The following SHC4 variants were observed in gnomAD, a reference collection of about 807,000 sequenced individuals.
SHC4 encodes the protein SHC-transforming protein 4.
In SHC4, 41 loss-of-function variants were observed where a neutral mutation model predicts 69.4. That is an observed-to-expected ratio of 0.59 (90% CI 0.46 to 0.77). SHC4 has a LOEUF of 0.77. Among genes scored for constraint, SHC4 ranks in the 30% least tolerant of loss-of-function variants. SHC4 has a pLI of 0.00. For missense variants in SHC4, 777 were observed against 783.8 expected, an observed-to-expected ratio of 0.99 and a Z score of 0.10; for synonymous variants, 318 against 299.3, an observed-to-expected ratio of 1.06 and a Z score of -0.64.
chr15:48,956,271 T>C (rs28497590), intron 1 of SHC4, among the ~76,000 whole-genome samples: 5,491 of 152,194 alleles, frequency 0.036, 227 homozygotes, highest in African/African-American at 0.095. Context: ...CAGAAAGCCA[T>C]GTTTCTTTGC....
At chr15:48,878,752 T>C (rs1457827962) in intron 4 of SHC4, 1 of 1,598,862 alleles carries the variant, frequency 6.3e-7, no homozygotes, top group East Asian at 2.2e-5. Flanking sequence ...TAGATGCTGT[T>C]AAAAGAGGAG....
chr15:48,833,202 T>C (rs1455303265), intron 11 of SHC4, among the ~76,000 whole-genome samples: 2 of 152,180 alleles, frequency 1.3e-5, no homozygotes, highest in African/African-American at 4.8e-5. Context: ...CCAGCCCAAA[T>C]AGAGATTCTG....
chr15:48,923,131 G>T (rs1320488149), intron 2 of SHC4, among the ~76,000 whole-genome samples: 1 of 152,212 alleles, frequency 6.6e-6, no homozygotes, highest in African/African-American at 2.4e-5. Context: ...GTTTGGAAAG[G>T]CAGATTTGAA....
At chr15:48,828,968 C>T (rs138973894) in intron 11 of SHC4, among the ~76,000 whole-genome samples, 76 of 152,194 alleles carry the variant, frequency 5.0e-4, no homozygotes, top group South Asian at 8.3e-4. Flanking sequence ...CTGTAGGTTG[C>T]CTTTTCACTA....
chr15:48,931,908 C>T (rs1352945522), intron 1 of SHC4, among the ~76,000 whole-genome samples: 1 of 151,192 alleles, frequency 6.6e-6, no homozygotes, highest in African/African-American at 2.4e-5. Context: ...TTTTTGGAGA[C>T]ATACTCTGCC....
intron 6 of SHC4, among the ~76,000 whole-genome samples, chr15:48,858,037 C>A (rs1269686962): frequency 6.6e-6 from 1 of 152,184 alleles, no homozygotes; most frequent in Non-Finnish European, 1.5e-5. Context: ...CCAACACTTA[C>A]AAACTGGGTG....
At position 48,909,270 on chromosome 15, in the gene SHC4, T is replaced by G. The variant is rs1900464806; in HGVS notation, c.656+15609A>C. On this transcript the variant is annotated intron_variant, in intron 2 of 11. Coordinates refer to ENST00000332408, the MANE Select transcript of SHC4 (RefSeq NM_203349.4). ...CCTTGTAGAGGTCTTTTGACTCTTT[T>G]GTTAGGTATATTCCTAGGATTTTTT... Among the ~76,000 whole-genome samples, 3 of 139,818 alleles carry G rather than the reference T, an allele frequency of 2.1e-5. No homozygotes were observed. In the South Asian group the frequency reaches 7.2e-4, roughly 33 times the overall value. The allele number at this position is 139,818 out of a possible 152,430, so 91.7% of individuals were successfully genotyped here. A position where few individuals can be genotyped will look rare whatever the true frequency, so the allele number is the denominator to read the frequency against.
At chr15:48,836,023 C>CAAAAA (rs57343981) in intron 10 of SHC4, among the ~76,000 whole-genome samples, 3 of 60,140 alleles carry the variant, frequency 5.0e-5, no homozygotes, top group Non-Finnish European at 8.7e-5. Context: ...ACAAAAAATC[C>CAAAAA]AAAAAAAAAA....
chr15:48,896,567 C>T (rs571350994), intron 2 of SHC4, among the ~76,000 whole-genome samples: 11 of 152,064 alleles, frequency 7.2e-5, no homozygotes, highest in African/African-American at 2.7e-4. Context: ...GTGATCTGCC[C>T]GCCTGGCCTT....
At position 48,851,079 on chromosome 15, in the gene SHC4, G is replaced by C. The variant is rs1196747618; in HGVS notation, c.1303+109C>G. 16 of 984,176 alleles carry C rather than the reference G, an allele frequency of 1.6e-5. No homozygotes were observed. In the East Asian group the frequency reaches 4.1e-4, roughly 25 times the overall value. The allele number at this position is 984,176 out of a possible 1,614,324, so 61.0% of individuals were successfully genotyped here. On this transcript the variant is annotated intron_variant, in intron 9 of 11. Transcript: ENST00000332408. The stretch of plus-strand genomic sequence containing the variant: ...ACAGTCAAAGGATTATGTGTTTAGT[G>C]GTAGATACCTGACTTTTCAATGAAG...
chr15:48,854,070 C>T (rs1387691230), intron 8 of SHC4, among the ~76,000 whole-genome samples: 4 of 152,094 alleles, frequency 2.6e-5, no homozygotes, highest in Non-Finnish European at 5.9e-5. Context: ...TTCACAATCA[C>T]TACGCATCCA....
chr15:48,850,126 C>T (rs551568599), intron 9 of SHC4, among the ~76,000 whole-genome samples: 21 of 152,264 alleles, frequency 1.4e-4, no homozygotes, highest in African/African-American at 5.1e-4. Flanking sequence ...TCGCTTGAAC[C>T]CGGAAGGCTG....
rs1432699428 is a variant in SHC4 at position 48,886,418 on chromosome 15, A to G, written c.721-2051T>C. Among the ~76,000 whole-genome samples, 3 of 152,190 alleles carry G rather than the reference A, an allele frequency of 2.0e-5. No homozygotes were observed. The East Asian group carries it at 5.8e-4, about 29-fold the overall frequency. On this transcript the variant is annotated intron_variant, in intron 3 of 11. Coordinates refer to ENST00000332408, the MANE Select transcript of SHC4 (RefSeq NM_203349.4). The stretch of plus-strand genomic sequence containing the variant: ...GAGAAATGTCCAAAATGTATTTATT[A>G]TATAGGAGACAAAGTCTTTCATGCC...
At chr15:48,920,267 C>T (rs1900726485) in intron 2 of SHC4, among the ~76,000 whole-genome samples, 1 of 151,928 alleles carries the variant, frequency 6.6e-6, no homozygotes, top group Non-Finnish European at 1.5e-5. Context: ...ATGATCTGCC[C>T]GCCTCGGCCT....
intron 10 of SHC4, among the ~76,000 whole-genome samples, chr15:48,837,265 A>T (rs1213239495): frequency 1.3e-5 from 2 of 152,208 alleles, no homozygotes; most frequent in Non-Finnish European, 2.9e-5. Context: ...TTCCCAAATT[A>T]GCAGAAGGAC....
intron 5 of SHC4, 101 bp downstream of exon 5, chr15:48,871,988 T>C (rs1038471885): frequency 1.4e-6 from 1 of 722,826 alleles, no homozygotes; most frequent in South Asian, 1.7e-5. Flanking sequence ...TAGTGGCTAA[T>C]ATGGTTTATG....
At chr15:48,851,707 G>A in intron 8 of SHC4, among the ~76,000 whole-genome samples, 1 of 152,144 alleles carries the variant, frequency 6.6e-6, no homozygotes, top group East Asian at 1.9e-4. Flanking sequence ...AAAGAACTTC[G>A]ATCATCCCTG....
chr15:48,862,682 C>T (rs760148821), intron 6 of SHC4, among the ~76,000 whole-genome samples: 4 of 152,200 alleles, frequency 2.6e-5, no homozygotes, highest in Non-Finnish European at 5.9e-5. Flanking sequence ...AAAAATTGAG[C>T]TTTCCAGAGT....
At chr15:48,863,502 T>G (rs1201031712) in intron 6 of SHC4, among the ~76,000 whole-genome samples, 1 of 152,200 alleles carries the variant, frequency 6.6e-6, no homozygotes, top group South Asian at 2.1e-4. Context: ...ATGATATAAA[T>G]AATATACAAA....
Sources: gnomAD v4.1 joint callset for allele counts (sites outside exome capture counted in the v4.1 genomes callset) on GRCh38, gnomAD v4.1.1 for gene constraint, MANE v1.5 for transcripts, NCBI Gene and HGNC (gene_info 2026-07-23, HGNC 2026-07-21) for gene names.